The following SDK1 variants were observed in gnomAD, a reference collection of about 807,000 sequenced individuals.
SDK1 encodes the protein sidekick cell adhesion molecule 1.
SDK1 carries 157 observed loss-of-function variants against 245.5 expected under a neutral mutation model. The ratio of observed to expected loss-of-function variants is 0.64; its 90% CI spans 0.56 to 0.73. The LOEUF is 0.73. SDK1 is among the 30% of genes least tolerant of loss of function. The probability of loss-of-function intolerance (pLI) is 0.00; values close to 1 mark genes in which losing one functional copy is unlikely to be tolerated. For synonymous variants in SDK1, 1,647 were observed against 1,278.5 expected (o/e 1.29, Z -6.15); for missense variants, 3,583 against 3,002.3 (o/e 1.19, Z -4.52).
intron 4 of SDK1, among the ~76,000 whole-genome samples, chr7:3,683,282 A>C (rs1028755981): frequency 6.6e-6 from 1 of 152,178 alleles, no homozygotes; most frequent in African/African-American, 2.4e-5. Flanking sequence ...CATACTATGC[A>C]CTTGCCAAAT....
chr7:3,928,843 A>G (rs970014329), intron 5 of SDK1, among the ~76,000 whole-genome samples: 6 of 152,344 alleles, frequency 3.9e-5, no homozygotes, highest in Admixed American at 6.5e-5. Context: ...GTGGTCAGGA[A>G]CTGGCTCAAA....
At chr7:3,384,788 G>A (rs1781569804) in intron 1 of SDK1, among the ~76,000 whole-genome samples, 1 of 152,188 alleles carries the variant, frequency 6.6e-6, no homozygotes, top group African/African-American at 2.4e-5. Flanking sequence ...TACATTTGAA[G>A]CGTATATGCA....
chr7:3,637,690 TAGAC>T (rs1226715868), intron 2 of SDK1, among the ~76,000 whole-genome samples: 6 of 152,266 alleles, frequency 3.9e-5, no homozygotes, highest in Admixed American at 2.0e-4. Flanking sequence ...CTAAAAAATT[TAGAC>T]AGGCATGGAT....
chr7:3,384,365 T>C (rs532118849), intron 1 of SDK1, among the ~76,000 whole-genome samples: 1 of 152,334 alleles, frequency 6.6e-6, no homozygotes, highest in African/African-American at 2.4e-5. Context: ...AAGGACACTC[T>C]GAAGAGTACT....
chr7:3,305,305 G>A (rs1779388508), intron 1 of SDK1, among the ~76,000 whole-genome samples: 1 of 152,176 alleles, frequency 6.6e-6, no homozygotes, highest in Non-Finnish European at 1.5e-5. Flanking sequence ...CTCCTCAAGT[G>A]ATTCTTGTAT....
intron 22 of SDK1, among the ~76,000 whole-genome samples, chr7:4,103,914 G>A (rs1246768878): frequency 6.6e-6 from 1 of 152,258 alleles, no homozygotes; most frequent in South Asian, 2.1e-4. Flanking sequence ...TTCCAGCTCC[G>A]CAGTTCGGCT....
intron 1 of SDK1, among the ~76,000 whole-genome samples, chr7:3,417,595 T>G (rs1336943211): frequency 6.6e-6 from 1 of 152,242 alleles, no homozygotes. Flanking sequence ...TCTGTGCTCA[T>G]TAACCTCTGT....
chr7:4,017,112 A>C, intron 16 of SDK1, 59 bp from the exon 17 acceptor site: 717 of 1,513,524 alleles, frequency 4.7e-4, no homozygotes, highest in Non-Finnish European at 5.8e-4. Flanking sequence ...AACTGCGGGT[A>C]AACACCGTTC....
rs930783590 is a variant in SDK1, at chr7:3,750,326, C to T, written c.714-71124C>T. ...GCAAGGAAACTAAACCATTTAATTT[C>T]GAAGTCTACTATCCTGTGCTCAATC... On this transcript the variant is annotated intron_variant, in intron 4 of 44. Transcript: ENST00000404826. Among the ~76,000 whole-genome samples the T allele has an allele frequency of 5.3e-5, 8 of 152,250 alleles. No individual in the cohort carries two copies. In the South Asian group the frequency reaches 8.3e-4, roughly 16 times the overall value.
chr7:3,304,242 T>G (rs1018079081), intron 1 of SDK1, among the ~76,000 whole-genome samples: 7 of 152,240 alleles, frequency 4.6e-5, no homozygotes, highest in African/African-American at 1.4e-4. Context: ...TATTGCTGTG[T>G]GTTTAATTGC....
At chr7:3,698,849 C>A (rs1784655521) in intron 4 of SDK1, among the ~76,000 whole-genome samples, 2 of 152,148 alleles carry the variant, frequency 1.3e-5, no homozygotes, top group South Asian at 2.1e-4. Flanking sequence ...AATTAGTTCC[C>A]AAATGTCCTA....
At chr7:3,834,766 C>T (rs1331271476) in intron 5 of SDK1, among the ~76,000 whole-genome samples, 2 of 152,172 alleles carry the variant, frequency 1.3e-5, no homozygotes, top group Admixed American at 1.3e-4. Context: ...TTTCCGCAAG[C>T]CACGGGAAGA....
At chr7:3,763,297 T>C (rs915374497) in intron 4 of SDK1, among the ~76,000 whole-genome samples, 3 of 152,194 alleles carry the variant, frequency 2.0e-5, no homozygotes, top group Non-Finnish European at 2.9e-5. Context: ...TGTAGCAAAA[T>C]ACAGAAGTCT....
chr7:3,659,143 T>C (rs1045185055), intron 4 of SDK1, among the ~76,000 whole-genome samples: 3 of 152,228 alleles, frequency 2.0e-5, no homozygotes, highest in Non-Finnish European at 4.4e-5. Context: ...TGTCCTTTAC[T>C]GATCATCATT....
chr7:3,694,265 T>A (rs1399937497), intron 4 of SDK1, among the ~76,000 whole-genome samples: 1 of 152,154 alleles, frequency 6.6e-6, no homozygotes, highest in African/African-American at 2.4e-5. Context: ...AAGGCGAATC[T>A]AAGAGATGGC....
rs1191921430 is a variant in SDK1 at position 4,267,985 on chromosome 7, C to G, written c.*2601C>G. On this transcript the variant is annotated 3_prime_UTR_variant, in exon 45 of 45. Transcript: ENST00000404826. ...TTTGAGAAGCAACAGTTCCTAACTC[C>G]TTATCTTCAGGGAAGGAAAAGAAAA... 34 of 985,384 alleles carry G rather than the reference C, an allele frequency of 3.5e-5. No individual in the cohort carries two copies. Among genetic ancestry groups the G allele is most frequent in the Non-Finnish European group, 3.9e-5 (32 of 829,988 alleles). 61.0% of individuals were successfully genotyped at this position (985,384 alleles called of 1,614,324 possible).
At position 4,267,495 on chromosome 7, in the gene SDK1, C is replaced by T. The variant is rs1583212544; in HGVS notation, c.*2111C>T. On this transcript the variant is annotated 3_prime_UTR_variant, in exon 45 of 45. Transcript: ENST00000404826. ...GTGGACAGTGCCACCTCCTTCCCCT[C>T]GGCCCCGGAGAGGGCGAAGTGGGCG... The T allele has an allele frequency of 1.1e-5, 11 of 985,336 alleles. No individual in the cohort carries two copies. In the South Asian group the frequency reaches 1.9e-4, roughly 17 times the overall value. The allele number at this position is 985,336 out of a possible 1,614,324, so 61.0% of individuals were successfully genotyped here. A position where few individuals can be genotyped will look rare whatever the true frequency, so the allele number is the denominator to read the frequency against.
chr7:4,051,526 T>G, intron 18 of SDK1, 112 bp from the exon 19 acceptor site: 1 of 915,946 alleles, frequency 1.1e-6, no homozygotes, highest in South Asian at 1.7e-5. Flanking sequence ...TTTATGGACT[T>G]TCTTAATTAT....
intron 4 of SDK1, among the ~76,000 whole-genome samples, chr7:3,776,403 G>T (rs1780563251): frequency 6.6e-6 from 1 of 152,158 alleles, no homozygotes; most frequent in Non-Finnish European, 1.5e-5. Flanking sequence ...ATCACTTAAG[G>T]CTTCTGTTAC....
Sources: gnomAD v4.1 joint callset for allele counts (sites outside exome capture counted in the v4.1 genomes callset) on GRCh38, gnomAD v4.1.1 for gene constraint, MANE v1.5 for transcripts, NCBI Gene and HGNC (gene_info 2026-07-23, HGNC 2026-07-21) for gene names.